The following FAM200C variants were observed in gnomAD, a reference collection of about 807,000 sequenced individuals.
the FAM200C span, chr5:160,395,416 A>G: frequency 6.2e-7 from 1 of 1,614,050 alleles, no homozygotes; most frequent in Non-Finnish European, 8.5e-7. Flanking sequence ...GTGGACGCTG[A>G]GTTCCATCTA....
At chr5:160,395,227 C>A in the FAM200C span, 1 of 1,613,868 alleles carries the variant, frequency 6.2e-7, no homozygotes, top group Non-Finnish European at 8.5e-7. Flanking sequence ...ATAAAGTATC[C>A]TCATGAGATG....
chr5:160,395,670 C>T, the FAM200C span: 2 of 619,188 alleles, frequency 3.2e-6, no homozygotes, highest in East Asian at 5.5e-5. Flanking sequence ...TAAGCCATGA[C>T]AGGATATAGT....
At chr5:160,395,471 C>T in the FAM200C span, 1 of 1,613,860 alleles carries the variant, frequency 6.2e-7, no homozygotes, top group South Asian at 1.1e-5. Context: ...GTCATCATCC[C>T]ATTTGCGTTT....
the FAM200C span, chr5:160,395,312 C>A: frequency 5.2e-5 from 84 of 1,613,960 alleles, 1 homozygote; most frequent in Middle Eastern, 3.3e-4. Flanking sequence ...GAGATCATGC[C>A]CAGCTACACC....
chr5:160,398,528 ACT>A, the FAM200C span, among the ~76,000 whole-genome samples: 3 of 152,156 alleles, frequency 2.0e-5, no homozygotes, highest in Non-Finnish European at 4.4e-5. Context: ...ACGGAGTGAG[ACT>A]CTGTCTCAAA....
the FAM200C span, chr5:160,393,883 C>T: frequency 6.2e-7 from 1 of 1,614,086 alleles, no homozygotes; most frequent in Non-Finnish European, 8.5e-7. Context: ...TTGCAAATGG[C>T]ATAAGGATTT....
At chr5:160,395,411 C>T in the FAM200C span, 25 of 1,614,096 alleles carry the variant, frequency 1.5e-5, no homozygotes, top group African/African-American at 2.7e-4. Flanking sequence ...ACACTGTGGA[C>T]GCTGAGTTCC....
chr5:160,393,729 G>C, the FAM200C span: 1 of 1,551,532 alleles, frequency 6.4e-7, no homozygotes, highest in African/African-American at 1.4e-5. Flanking sequence ...TGCTGTAGCT[G>C]TAGCTTTTGT....
chr5:160,394,784 A>G, the FAM200C span: 1 of 1,613,980 alleles, frequency 6.2e-7, no homozygotes, highest in Non-Finnish European at 8.5e-7. Context: ...AGAGCCACAT[A>G]CATCAAGTGC....
chr5:160,393,477 A>G, the FAM200C span: 6 of 540,384 alleles, frequency 1.1e-5, no homozygotes, highest in Admixed American at 2.1e-4. Flanking sequence ...GGTTAAACAG[A>G]TACTTAGAAT....
the FAM200C span, chr5:160,397,616 C>A: frequency 1.3e-5 from 2 of 152,284 alleles, no homozygotes; most frequent in South Asian, 2.1e-4. Context: ...CATTAGCTTT[C>A]AAGTGGATCT....
chr5:160,393,454 T>C, the FAM200C span: 4 of 433,250 alleles, frequency 9.2e-6, no homozygotes, highest in Admixed American at 4.2e-5. Flanking sequence ...CTTTTTCATA[T>C]ACCACACGAA....
At chr5:160,399,204 A>G in the FAM200C span, among the ~76,000 whole-genome samples, 1 of 152,262 alleles carries the variant, frequency 6.6e-6, no homozygotes, top group South Asian at 2.1e-4. Flanking sequence ...CAGATGCTTA[A>G]TGAAAGATCT....
chr5:160,397,484 A>C, the FAM200C span: 4 of 152,234 alleles, frequency 2.6e-5, no homozygotes, highest in Non-Finnish European at 5.9e-5. Context: ...GTGATCCCCA[A>C]AGTTTCCAAA....
chr5:160,395,515 A>G, the FAM200C span: 2 of 1,577,982 alleles, frequency 1.3e-6, no homozygotes, highest in Non-Finnish European at 1.7e-6. Flanking sequence ...CTCAGGTAGT[A>G]TTCCAGAGAT....
At chr5:160,399,632 T>C in the FAM200C span, 1 of 152,170 alleles carries the variant, frequency 6.6e-6, no homozygotes, top group Admixed American at 6.5e-5. Flanking sequence ...GGGATAACAG[T>C]ACCTACCTTA....
chr5:160,396,698 G>GAA, the FAM200C span, among the ~76,000 whole-genome samples: 22 of 48,302 alleles, frequency 4.6e-4, no homozygotes, highest in Middle Eastern at 9.4e-3. Context: ...AGTCTCTGTG[G>GAA]AAAAAAAAAA....
chr5:160,394,374 G>T, the FAM200C span: 1 of 1,613,744 alleles, frequency 6.2e-7, no homozygotes. Context: ...TATGCTAGGT[G>T]AATTTTAAAC....
the FAM200C span, chr5:160,399,966 C>A: frequency 2.6e-5 from 4 of 152,284 alleles, no homozygotes; most frequent in African/African-American, 7.2e-5. Flanking sequence ...GGGTCCAACC[C>A]CCGGGCAGGA....
Sources: allele counts gnomAD v4.1 joint callset (sites outside exome capture counted in the v4.1 genomes callset), GRCh38; gene constraint gnomAD v4.1.1; transcripts MANE v1.5.